Variants in KITLG observed in about 807,000 individuals in gnomAD.
The protein encoded by KITLG is KIT ligand.
A neutral mutation model predicts 34.1 loss-of-function variants in KITLG; 13 were observed. The ratio of observed to expected loss-of-function variants is 0.38; its 90% CI spans 0.25 to 0.61. The LOEUF (loss-of-function observed/expected upper bound fraction) is 0.61, where lower values mean the gene tolerates loss of function less well. Ranked by LOEUF, KITLG falls within the 20% of genes least tolerant of loss-of-function variation. The pLI is 0.60. For synonymous variants in KITLG, 110 were observed against 104.0 expected (o/e 1.06, Z -0.35); for missense variants, 292 against 318.9 (o/e 0.92, Z 0.64).
intron 3 of KITLG, among the ~76,000 whole-genome samples, chr12:88,521,873 TA>T (rs1869680212): frequency 6.6e-6 from 1 of 152,180 alleles, no homozygotes; most frequent in Admixed American, 6.6e-5. Flanking sequence ...CTAGGACTAC[TA>T]AAAACATGTG....
chr12:88,527,110 C>T (rs1019276036), intron 3 of KITLG, among the ~76,000 whole-genome samples: 1 of 152,064 alleles, frequency 6.6e-6, no homozygotes, highest in Admixed American at 6.6e-5. Flanking sequence ...CCTCATGATC[C>T]ACCTGTCTCA....
At chr12:88,542,493 C>T (rs1870552449) in intron 2 of KITLG, among the ~76,000 whole-genome samples, 1 of 152,060 alleles carries the variant, frequency 6.6e-6, no homozygotes, top group Non-Finnish European at 1.5e-5. Flanking sequence ...CTTCAAGATG[C>T]TCTGCCCCAC....
chr12:88,531,079 G>T (rs995891192), intron 3 of KITLG, among the ~76,000 whole-genome samples: 3 of 152,160 alleles, frequency 2.0e-5, no homozygotes, highest in African/African-American at 7.2e-5. Context: ...GTTGAAATGA[G>T]TCAACATAAA....
intron 1 of KITLG, among the ~76,000 whole-genome samples, chr12:88,568,898 T>C (rs1465116877): frequency 1.3e-5 from 2 of 152,172 alleles, no homozygotes; most frequent in Non-Finnish European, 2.9e-5. Context: ...TATTCTTCCA[T>C]TTTACAGAAG....
At chr12:88,531,564 G>A (rs551438575) in intron 3 of KITLG, among the ~76,000 whole-genome samples, 1 of 152,198 alleles carries the variant, frequency 6.6e-6, no homozygotes, top group East Asian at 1.9e-4. Context: ...CTTGGTTTCA[G>A]CAACAGAGTA....
chr12:88,570,522 A>AAAC lies in KITLG; in HGVS notation c.15+9739_15+9741dup, dbSNP rs202182014. ...TTCTTCTCCACAAATAAATTAGAAA[A>AAAC]AACAACAACAACAACAAAAAAAAAA... On this transcript the variant is annotated intron_variant, in intron 1 of 9. Coordinates refer to ENST00000644744, the MANE Select transcript of KITLG (RefSeq NM_000899.5). Among the ~76,000 whole-genome samples the AAAC allele has an allele frequency of 9.3e-4, 107 of 115,502 alleles. 2 individuals carry two copies. The highest frequency in any genetic ancestry group is 4.7e-3 in the Middle Eastern group (1 of 212). The allele number at this position is 115,502 out of a possible 152,430, so 75.8% of individuals were successfully genotyped here. A position where few individuals can be genotyped will look rare whatever the true frequency, so the allele number is the denominator to read the frequency against.
chr12:88,542,372 C>G (rs141279068), intron 2 of KITLG, among the ~76,000 whole-genome samples: 2 of 152,134 alleles, frequency 1.3e-5, no homozygotes, highest in African/African-American at 4.8e-5. Flanking sequence ...CCATGTTCCT[C>G]ATTTGAAAAA....
chr12:88,527,870 A>T (rs1216646094), intron 3 of KITLG, among the ~76,000 whole-genome samples: 1 of 152,176 alleles, frequency 6.6e-6, no homozygotes. Flanking sequence ...AAAGAGAAAC[A>T]CTTTTCTTAA....
At chr12:88,505,256 A>G in intron 8 of KITLG, 21 bp from the exon 9 acceptor site, 2 of 1,592,092 alleles carry the variant, frequency 1.3e-6, no homozygotes, top group Non-Finnish European at 8.6e-7. Context: ...ATAAGAAAAA[A>G]TGCTTATTTG....
chr12:88,556,115 G>A (rs1341064049), intron 1 of KITLG, among the ~76,000 whole-genome samples: 1 of 151,812 alleles, frequency 6.6e-6, no homozygotes, highest in African/African-American at 2.4e-5. Flanking sequence ...GAAGACCCCT[G>A]AGAGAGGAAG....
rs181410886 is a variant in KITLG at position 88,493,798 on chromosome 12, G to A, written c.*3421C>T. ...TCATCCTGACTAATATGACTAAAAC[G>A]TACTACTGGTTTTCATTCTTTGGAG... On this transcript the variant is annotated 3_prime_UTR_variant, in exon 10 of 10. Transcript: ENST00000644744. The A allele has an allele frequency of 4.0e-5, 6 of 151,890 alleles. No individual in the cohort carries two copies. In the East Asian group the frequency reaches 9.7e-4, roughly 24 times the overall value. The allele number at this position is 151,890 out of a possible 1,614,324, so 9.4% of individuals were successfully genotyped here.
chr12:88,511,030 C>A (rs193242803), intron 6 of KITLG, among the ~76,000 whole-genome samples: 1 of 152,132 alleles, frequency 6.6e-6, no homozygotes, highest in African/African-American at 2.4e-5. Context: ...GTGACATCAC[C>A]TAGCTAAAAG....
chr12:88,569,227 G>A (rs1303270062), intron 1 of KITLG, among the ~76,000 whole-genome samples: 3 of 152,106 alleles, frequency 2.0e-5, no homozygotes, highest in South Asian at 2.1e-4. Flanking sequence ...TTGGTGCCGC[G>A]ATCTTGGGCA....
chr12:88,551,435 G>A (rs1445924956), intron 1 of KITLG, among the ~76,000 whole-genome samples: 1 of 152,154 alleles, frequency 6.6e-6, no homozygotes, highest in Admixed American at 6.5e-5. Flanking sequence ...ACAGTGAATT[G>A]AAATATTAAA....
chr12:88,540,800 A>G (rs1870492557), intron 2 of KITLG, among the ~76,000 whole-genome samples: 1 of 152,164 alleles, frequency 6.6e-6, no homozygotes, highest in Non-Finnish European at 1.5e-5. Context: ...TCCTTTTTTT[A>G]AAATACAAAA....
intron 2 of KITLG, among the ~76,000 whole-genome samples, chr12:88,533,535 T>C (rs1055543700): frequency 6.6e-6 from 1 of 152,162 alleles, no homozygotes; most frequent in Non-Finnish European, 1.5e-5. Flanking sequence ...CAACCTTCTC[T>C]TATGTCACCA....
chr12:88,518,367 T>C (rs1869531708), intron 4 of KITLG, among the ~76,000 whole-genome samples: 1 of 152,192 alleles, frequency 6.6e-6, no homozygotes, highest in Non-Finnish European at 1.5e-5. Context: ...CAATTTTCCA[T>C]TTAAATGAAC....
intron 3 of KITLG, among the ~76,000 whole-genome samples, chr12:88,523,557 A>T (rs1289155009): frequency 1.3e-5 from 2 of 152,198 alleles, no homozygotes; most frequent in African/African-American, 4.8e-5. Context: ...CCAGAGTCAT[A>T]CCAATGAAGG....
chr12:88,498,641 G>A (rs1450122928), intron 9 of KITLG, among the ~76,000 whole-genome samples: 3 of 152,188 alleles, frequency 2.0e-5, no homozygotes, highest in Non-Finnish European at 4.4e-5. Flanking sequence ...TTGAGAGGCT[G>A]AGGTAGGCGG....
Sources: allele counts gnomAD v4.1 joint callset (sites outside exome capture counted in the v4.1 genomes callset), GRCh38; gene constraint gnomAD v4.1.1; transcripts MANE v1.5; gene names NCBI Gene and HGNC (gene_info 2026-07-23, HGNC 2026-07-21).